Variants in ATP9A observed in about 807,000 individuals in gnomAD.
ATP9A encodes probable phospholipid-transporting ATPase IIA.
A neutral mutation model predicts 144.1 loss-of-function variants in ATP9A; 52 were observed. The ratio of observed to expected loss-of-function variants is 0.36; its 90% CI spans 0.29 to 0.45. The LOEUF is 0.45. Ranked by LOEUF, ATP9A falls within the 20% of genes least tolerant of loss-of-function variation. ATP9A has a pLI of 1.00. For synonymous variants in ATP9A, 582 were observed against 557.4 expected (o/e 1.04, Z -0.62); for missense variants, 947 against 1,392.7 (o/e 0.68, Z 5.09).
intron 2 of ATP9A, among the ~76,000 whole-genome samples, chr20:51,728,154 A>G (rs59488411): frequency 6.6e-6 from 1 of 152,016 alleles, no homozygotes; most frequent in Admixed American, 6.6e-5. Context: ...GTGCCTCTTG[A>G]GCCACTCTGG....
At chr20:51,690,147 T>G (rs6021386) in intron 8 of ATP9A, among the ~76,000 whole-genome samples, 88 of 123,960 alleles carry the variant, frequency 7.1e-4, no homozygotes, top group South Asian at 2.4e-3. Flanking sequence ...AAGGCCAGGC[T>G]CAGTGGCTCA....
chr20:51,764,073 T>A (rs1334109645), intron 1 of ATP9A, among the ~76,000 whole-genome samples: 1 of 152,206 alleles, frequency 6.6e-6, no homozygotes, highest in African/African-American at 2.4e-5. Flanking sequence ...AGTAAACACC[T>A]AAGGCATACT....
chr20:51,601,441 A>G lies in ATP9A; in HGVS notation c.3008-94T>C, dbSNP rs1701883055. The G allele has an allele frequency of 2.3e-6, 3 of 1,311,502 alleles. No homozygotes were observed. In the Admixed American group the frequency reaches 8.5e-5, roughly 37 times the overall value. 81.2% of individuals were successfully genotyped at this position (1,311,502 alleles called of 1,614,324 possible). A position where few individuals can be genotyped will look rare whatever the true frequency, so the allele number is the denominator to read the frequency against. ...CAGGCGTCACAACTATCAAAGGGAAAGTCATCTCCCGTCACAAACCCACAG... is the reference window on the plus strand; with the variant it reads ...CAGGCGTCACAACTATCAAAGGGAAGGTCATCTCCCGTCACAAACCCACAG... On this transcript the variant is annotated intron_variant, in intron 27 of 27. Transcript: ENST00000338821.
At chr20:51,603,319 G>C (rs1171931215) in intron 27 of ATP9A, among the ~76,000 whole-genome samples, 1 of 152,242 alleles carries the variant, frequency 6.6e-6, no homozygotes, top group Non-Finnish European at 1.5e-5. Context: ...CTGGCCCTGA[G>C]GTTCCAAAGC....
intron 3 of ATP9A, among the ~76,000 whole-genome samples, chr20:51,724,431 T>C (rs1485457631): frequency 2.0e-5 from 3 of 152,194 alleles, no homozygotes; most frequent in Non-Finnish European, 4.4e-5. Context: ...CTCCTTCCCA[T>C]CACTCCTCAG....
At chr20:51,699,605 C>T (rs982186071) in intron 4 of ATP9A, among the ~76,000 whole-genome samples, 3 of 152,032 alleles carry the variant, frequency 2.0e-5, no homozygotes, top group Non-Finnish European at 4.4e-5. Flanking sequence ...GTAGAACTGG[C>T]ATCAAAAGGT....
chr20:51,683,229 G>A (rs1238096144), intron 9 of ATP9A, among the ~76,000 whole-genome samples: 1 of 152,104 alleles, frequency 6.6e-6, no homozygotes, highest in Non-Finnish European at 1.5e-5. Context: ...TAGGACCAAA[G>A]GCACACAACA....
rs778188389 is a variant in ATP9A, at chr20:51,608,474, C to T, written c.2745+44G>A. 9 of 1,289,666 alleles carry T rather than the reference C, an allele frequency of 7.0e-6. No homozygotes were observed. In the South Asian group the frequency reaches 8.3e-5, roughly 12 times the overall value. 79.9% of individuals were successfully genotyped at this position (1,289,666 alleles called of 1,614,324 possible). On this transcript the variant is annotated intron_variant, in intron 25 of 27. Transcript: ENST00000338821. Reference sequence around the variant, plus strand: ...GGGAGGGAGGGAAGGAAGGGAAAAGCAAAGGAGGAAAGGAGGAAGGAGGGA... The same window carrying T: ...GGGAGGGAGGGAAGGAAGGGAAAAGTAAAGGAGGAAAGGAGGAAGGAGGGA...
rs546710140 is a variant in ATP9A at position 51,748,565 on chromosome 20, C to G, written c.69-18587G>C. Among the ~76,000 whole-genome samples the G allele has an allele frequency of 1.3e-3, 199 of 151,958 alleles. 1 individual carries two copies. The highest frequency in any genetic ancestry group is 4.7e-3 in the African/African-American group (197 of 41,494). ...ACCACACCAAGATATCTTTTTTTTA[C>G]GACCAAAGTCAAAAATCTTAATAAT... On this transcript the variant is annotated intron_variant, in intron 1 of 27. Coordinates refer to ENST00000338821, the MANE Select transcript of ATP9A (RefSeq NM_006045.3).
intron 13 of ATP9A, among the ~76,000 whole-genome samples, chr20:51,663,400 C>G (rs1306759850): frequency 1.3e-5 from 2 of 151,378 alleles, no homozygotes; most frequent in Non-Finnish European, 2.9e-5. Context: ...TTTATTTTTT[C>G]TGCAAAAAAA....
chr20:51,618,849 G>A (rs2077214239), intron 20 of ATP9A, 43 bp from the exon 21 acceptor site: 3 of 1,581,640 alleles, frequency 1.9e-6, no homozygotes, highest in African/African-American at 1.3e-5. Context: ...GGAGGGAGAG[G>A]TGGTGCGTTG....
chr20:51,610,481 T>C (rs2077180814), intron 23 of ATP9A, among the ~76,000 whole-genome samples: 1 of 152,076 alleles, frequency 6.6e-6, no homozygotes, highest in Admixed American at 6.6e-5. Flanking sequence ...AGCTCCAGGG[T>C]CTACTCAGCC....
At chr20:51,744,575 C>A (rs74460698) in intron 1 of ATP9A, among the ~76,000 whole-genome samples, 1,753 of 152,334 alleles carry the variant, frequency 0.012, 28 homozygotes, top group African/African-American at 0.04. Context: ...TGGTTTCATA[C>A]AATCTGGCTG....
At chr20:51,628,569 G>A (rs2077258904) in intron 16 of ATP9A, among the ~76,000 whole-genome samples, 1 of 152,236 alleles carries the variant, frequency 6.6e-6, no homozygotes, top group Admixed American at 6.5e-5. Flanking sequence ...CCCTATGGGA[G>A]AGGCCCACCT....
At position 51,622,181 on chromosome 20, in the gene ATP9A, A is replaced by G. The variant is rs569209838; in HGVS notation, c.2017-9T>C. 9.3e-6 allele frequency: 15 copies of G among 1,612,432 alleles called. No homozygotes were observed. The South Asian group carries it at 1.6e-4, about 18-fold the overall frequency. On this transcript the variant is annotated splice_polypyrimidine_tract_variant and intron_variant, in intron 18 of 27. Coordinates refer to ENST00000338821, the MANE Select transcript of ATP9A (RefSeq NM_006045.3). ...CCTGTCAGCATCCAAACCTGAAATC[A>G]TGGCGTGACAGAGGTCCTGTTTATT... is the stretch of plus-strand genomic sequence containing the variant.
intron 7 of ATP9A, among the ~76,000 whole-genome samples, chr20:51,691,172 A>C (rs1357863795): frequency 6.6e-6 from 1 of 152,136 alleles, no homozygotes; most frequent in Non-Finnish European, 1.5e-5. Flanking sequence ...GTACCATTGA[A>C]AATACTCATT....
chr20:51,618,597 T>C, intron 21 of ATP9A, 65 bp downstream of exon 21: 1 of 1,541,310 alleles, frequency 6.5e-7, no homozygotes, highest in East Asian at 2.3e-5. Context: ...CCAAATATCC[T>C]TAGGGAAAGG....
intron 1 of ATP9A, among the ~76,000 whole-genome samples, chr20:51,750,113 C>T (rs1427199344): frequency 6.6e-6 from 1 of 152,134 alleles, no homozygotes; most frequent in African/African-American, 2.4e-5. Context: ...CGAGATCGCA[C>T]CACTTGCACT....
At chr20:51,657,990 C>T (rs112931643) in intron 13 of ATP9A, among the ~76,000 whole-genome samples, 324 of 152,366 alleles carry the variant, frequency 2.1e-3, no homozygotes, top group Non-Finnish European at 3.5e-3. Context: ...CAACTGGCAA[C>T]ACAGCTCAGC....
Sources: gnomAD v4.1 joint callset for allele counts (sites outside exome capture counted in the v4.1 genomes callset) on GRCh38, gnomAD v4.1.1 for gene constraint, MANE v1.5 for transcripts, NCBI Gene and HGNC (gene_info 2026-07-23, HGNC 2026-07-21) for gene names.